Variants in RNF144B observed in about 807,000 individuals in gnomAD.
RNF144B encodes the protein ring finger protein 144B.
RNF144B carries 25 observed loss-of-function variants against 40.2 expected under a neutral mutation model. That is an observed-to-expected ratio of 0.62 (90% CI 0.45 to 0.87). The LOEUF is 0.87. RNF144B is among the 40% of genes least tolerant of loss of function. RNF144B has a pLI of 0.00. For missense variants in RNF144B, 365 were observed against 373.7 expected (o/e 0.98, Z 0.19); for synonymous variants, 145 against 136.3 (o/e 1.06, Z -0.44).
chr6:18,465,225 G>A lies in RNF144B; in HGVS notation c.*158G>A. The A allele has an allele frequency of 1.5e-6, 1 of 684,358 alleles. No homozygotes were observed. The highest frequency in any genetic ancestry group is 2.5e-6 in the Non-Finnish European group (1 of 400,144). The allele number at this position is 684,358 out of a possible 1,614,324, so 42.4% of individuals were successfully genotyped here. On this transcript the variant is annotated 3_prime_UTR_variant, in exon 8 of 8. Coordinates refer to ENST00000259939, the MANE Select transcript of RNF144B (RefSeq NM_182757.4). ...CCTGCCAGCCTTCAGCATCAGGAAA[G>A]GCCAAGTCCTGGGTGTGAGTGTTCC...
chr6:18,434,680 G>A lies in RNF144B; in HGVS notation c.271-5004G>A, dbSNP rs1470189277. Among the ~76,000 whole-genome samples, 1 of 152,130 alleles carries A rather than the reference G, an allele frequency of 6.6e-6. No individual in the cohort carries two copies. The highest frequency in any genetic ancestry group is 2.4e-5 in the African/African-American group (1 of 41,436). On this transcript the variant is annotated intron_variant, in intron 3 of 7. Coordinates refer to ENST00000259939, the MANE Select transcript of RNF144B (RefSeq NM_182757.4). This position sits in a 1 kb window ranked among gnomAD's most constrained non-coding sequence, Gnocchi z 4.1. ...TCTGTCGCCCAGGCTGGAATGCAGT[G>A]GTGCGATCTCGGCTCACTGCAAGCT... is the stretch of plus-strand genomic sequence containing the variant.
At chr6:18,436,835 G>T (rs976629715) in intron 3 of RNF144B, among the ~76,000 whole-genome samples, 1 of 151,910 alleles carries the variant, frequency 6.6e-6, no homozygotes, top group African/African-American at 2.4e-5. Flanking sequence ...TGGAGGTCTT[G>T]AGCAATAGTG....
In RNF144B at chr6:18,444,655, A is replaced by G. The variant is rs1252656172; in HGVS notation, c.331+4911A>G. Among the ~76,000 whole-genome samples, 6 of 152,144 alleles carry G rather than the reference A, an allele frequency of 3.9e-5. 1 individual carries two copies. The East Asian group carries it at 1.2e-3, about 29-fold the overall frequency. On this transcript the variant is annotated intron_variant, in intron 4 of 7. Transcript: ENST00000259939. The surrounding 1 kb of genome is among the most constrained non-coding windows in gnomAD (Gnocchi z 4.3). ...AGAACTCTTACAGAAGGGTTGTGTC[A>G]TATTGTTCTCCTTCATTTAAAAAAA...
rs1045475171 is a variant in RNF144B, at chr6:18,458,858, A to G, written c.537-749A>G. ...AGGAGTCAGAAAGGCTTCAATGAGC[A>G]TTTCCTTTGTCATGTTGGCACTCAA... On this transcript the variant is annotated intron_variant, in intron 5 of 7. Transcript: ENST00000259939. The surrounding 1 kb of genome is among the most constrained non-coding windows in gnomAD (Gnocchi z 4.8). Among the ~76,000 whole-genome samples the G allele has an allele frequency of 6.6e-6, 1 of 152,214 alleles. No homozygotes were observed. The highest frequency in any genetic ancestry group is 2.4e-5 in the African/African-American group (1 of 41,456).
rs1474549468 is a variant in RNF144B at position 18,405,093 on chromosome 6, AT to A, written c.165+5396del. ...AAGTTCTGCCAGTTCAAAGCACTGT[AT>A]TATTCTGTTGGTTTCTGGTACCTAA... On this transcript the variant is annotated intron_variant, in intron 2 of 7. Transcript: ENST00000259939. This position sits in a 1 kb window ranked among gnomAD's most constrained non-coding sequence, Gnocchi z 4.5. 1.3e-5 allele frequency among the ~76,000 whole-genome samples: 2 copies of A among 151,884 alleles called. No homozygotes were observed. Among genetic ancestry groups the A allele is most frequent in the African/African-American group, 2.4e-5 (1 of 41,360 alleles).
intron 2 of RNF144B, among the ~76,000 whole-genome samples, chr6:18,408,210 C>G (rs1040870832): frequency 5.3e-5 from 8 of 152,048 alleles, no homozygotes; most frequent in Admixed American, 4.6e-4. Flanking sequence ...GTCTGGAACT[C>G]CTGACCTCAA....
At position 18,444,976 on chromosome 6, in the gene RNF144B, G is replaced by A. The variant is rs1209651787; in HGVS notation, c.331+5232G>A. 6.6e-6 allele frequency among the ~76,000 whole-genome samples: 1 copy of A among 152,094 alleles called. No individual in the cohort carries two copies. Among genetic ancestry groups the A allele is most frequent in the African/African-American group, 2.4e-5 (1 of 41,410 alleles). Reference sequence around the variant, plus strand: ...CCAGCTTTTGTATCTGATCATAAAGGTTTTATTCCATCAGAGCTCCCTATG... The same window carrying A: ...CCAGCTTTTGTATCTGATCATAAAGATTTTATTCCATCAGAGCTCCCTATG... On this transcript the variant is annotated intron_variant, in intron 4 of 7. Transcript: ENST00000259939. The surrounding 1 kb of genome is among the most constrained non-coding windows in gnomAD (Gnocchi z 4.3).
rs1052705875 is a variant in RNF144B, at chr6:18,457,441, G to A, written c.536+82G>A. 20 of 1,044,070 alleles carry A rather than the reference G, an allele frequency of 1.9e-5. No homozygotes were observed. The highest frequency in any genetic ancestry group is 9.0e-5 in the South Asian group (7 of 77,662). 64.7% of individuals were successfully genotyped at this position (1,044,070 alleles called of 1,614,324 possible). A position where few individuals can be genotyped will look rare whatever the true frequency, so the allele number is the denominator to read the frequency against. On this transcript the variant is annotated intron_variant, in intron 5 of 7. Transcript: ENST00000259939. This position sits in a 1 kb window ranked among gnomAD's most constrained non-coding sequence, Gnocchi z 5.1. ...ATACCTTACGTGTAGAAGGAGTTAC[G>A]TTGTGATGGCGTTTAGAGATTGGTT...
rs962410511 is a variant in RNF144B, at chr6:18,460,843, T to G, written c.681+1092T>G. ...AGTTGGTGAGAAGGTCTTACTTCAC[T>G]TCTGGTCTTTTAAAGTTTGGGGTAA... On this transcript the variant is annotated intron_variant, in intron 6 of 7. Coordinates refer to ENST00000259939, the MANE Select transcript of RNF144B (RefSeq NM_182757.4). The surrounding 1 kb of genome is among the most constrained non-coding windows in gnomAD (Gnocchi z 4.4). Among the ~76,000 whole-genome samples the G allele has an allele frequency of 1.3e-5, 2 of 152,212 alleles. No homozygotes were observed. Among genetic ancestry groups the G allele is most frequent in the Non-Finnish European group, 2.9e-5 (2 of 68,028 alleles).
rs772228329 is a variant in RNF144B, at chr6:18,434,857, G to A, written c.271-4827G>A. On this transcript the variant is annotated intron_variant, in intron 3 of 7. Transcript: ENST00000259939. The surrounding 1 kb of genome is among the most constrained non-coding windows in gnomAD (Gnocchi z 4.1). Reference sequence around the variant, plus strand: ...AGGATGGTCTCAATCTCCTGACCTCGTGATCCACCTGCCTCGGCCTCCCAA... The same window carrying A: ...AGGATGGTCTCAATCTCCTGACCTCATGATCCACCTGCCTCGGCCTCCCAA... Among the ~76,000 whole-genome samples the A allele has an allele frequency of 2.6e-5, 4 of 152,078 alleles. No individual in the cohort carries two copies. Among genetic ancestry groups the A allele is most frequent in the South Asian group, 4.1e-4 (2 of 4,832 alleles).
rs930743280 is a variant in RNF144B at position 18,468,402 on chromosome 6, G to A, written c.*3335G>A. 2.0e-5 allele frequency: 3 copies of A among 152,134 alleles called. No individual in the cohort carries two copies. Among genetic ancestry groups the A allele is most frequent in the African/African-American group, 7.2e-5 (3 of 41,424 alleles). 9.4% of individuals were successfully genotyped at this position (152,134 alleles called of 1,614,324 possible). On this transcript the variant is annotated 3_prime_UTR_variant, in exon 8 of 8. Transcript: ENST00000259939. Reference sequence around the variant, plus strand: ...ACTTGGAGTCTGTACTTTGAAAGAGGCCTTTGAAAAACAAATAATTCTGTG... The same window carrying A: ...ACTTGGAGTCTGTACTTTGAAAGAGACCTTTGAAAAACAAATAATTCTGTG...
Position 18,414,306 on chromosome 6 carries a change from A to G in RNF144B, c.166-13275A>G, listed in dbSNP as rs1795104152. Among the ~76,000 whole-genome samples, 1 of 152,198 alleles carries G rather than the reference A, an allele frequency of 6.6e-6. No homozygotes were observed. Among genetic ancestry groups the G allele is most frequent in the Middle Eastern group, 3.2e-3 (1 of 316 alleles). Reference sequence around the variant, plus strand: ...TAGCTCAAGAGGAAGTTTAAGGGTTAGGTCTATTCTTAACTGATGTCCCTT... The same window carrying G: ...TAGCTCAAGAGGAAGTTTAAGGGTTGGGTCTATTCTTAACTGATGTCCCTT... On this transcript the variant is annotated intron_variant, in intron 2 of 7. Coordinates refer to ENST00000259939, the MANE Select transcript of RNF144B (RefSeq NM_182757.4). This position sits in a 1 kb window ranked among gnomAD's most constrained non-coding sequence, Gnocchi z 4.9.
At chr6:18,439,054 A>G (rs1173786320) in intron 3 of RNF144B, among the ~76,000 whole-genome samples, 4 of 151,900 alleles carry the variant, frequency 2.6e-5, no homozygotes, top group African/African-American at 9.7e-5. Flanking sequence ...TTACTAGTAA[A>G]CCTTTGGTTT....
intron 2 of RNF144B, among the ~76,000 whole-genome samples, chr6:18,423,826 G>T (rs2113494031): frequency 6.6e-6 from 1 of 152,294 alleles, no homozygotes; most frequent in African/African-American, 2.4e-5. Flanking sequence ...ACCAAACTAA[G>T]TAAAATGTTG....
intron 2 of RNF144B, among the ~76,000 whole-genome samples, chr6:18,409,264 G>C (rs1052929079): frequency 4.7e-5 from 7 of 149,654 alleles, no homozygotes; most frequent in Non-Finnish European, 8.9e-5. Context: ...TGTAATCCCA[G>C]CTATTTGGGA....
chr6:18,436,778 A>G (rs1345766977), intron 3 of RNF144B, among the ~76,000 whole-genome samples: 2 of 152,192 alleles, frequency 1.3e-5, no homozygotes, highest in African/African-American at 4.8e-5. Flanking sequence ...TCTTCTAATA[A>G]TCATCCTAAC....
At chr6:18,426,388 T>C (rs964814796) in intron 2 of RNF144B, among the ~76,000 whole-genome samples, 1 of 152,222 alleles carries the variant, frequency 6.6e-6, no homozygotes, top group African/African-American at 2.4e-5. Context: ...TTAGTAGAAG[T>C]TGAAGAACCA....
intron 1 of RNF144B, among the ~76,000 whole-genome samples, chr6:18,392,250 T>A (rs1384601549): frequency 3.9e-5 from 6 of 152,052 alleles, no homozygotes; most frequent in African/African-American, 1.4e-4. Context: ...TCTGTAGGAT[T>A]TGGAGTTAGC....
intron 4 of RNF144B, among the ~76,000 whole-genome samples, chr6:18,440,794 T>TG (rs1758942962): frequency 9.7e-6 from 1 of 103,396 alleles, no homozygotes; most frequent in African/African-American, 3.0e-5. Context: ...GTTTTTGTGG[T>TG]GTTTTTTTTT....
Sources: allele counts gnomAD v4.1 joint callset (sites outside exome capture counted in the v4.1 genomes callset), GRCh38; gene constraint gnomAD v4.1.1; non-coding constraint Gnocchi (gnomAD v3.1); transcripts MANE v1.5; gene names NCBI Gene and HGNC (gene_info 2026-07-23, HGNC 2026-07-21).